TAF6L: variants seen among roughly 807,000 people sequenced by gnomAD.
The protein encoded by TAF6L is TAF6-like RNA polymerase II p300/CBP-associated factor-associated factor 65 kDa subunit 6L.
A neutral mutation model predicts 57.3 loss-of-function variants in TAF6L; 34 were observed. The observed-to-expected ratio is 0.59, with a 90% CI of 0.45 to 0.79. The LOEUF (loss-of-function observed/expected upper bound fraction) is 0.79. Ranked by LOEUF, TAF6L falls within the 30% of genes least tolerant of loss-of-function variation. The probability of loss-of-function intolerance (pLI) is 0.00; values close to 1 mark genes in which losing one functional copy is unlikely to be tolerated. For missense variants in TAF6L, 782 were observed against 853.2 expected (o/e 0.92, Z 1.04); for synonymous variants, 417 against 376.3 (o/e 1.11, Z -1.25).
intron 3 of TAF6L, 119 bp from the exon 4 acceptor site, chr11:62,777,859 G>A: frequency 8.1e-7 from 1 of 1,234,990 alleles, no homozygotes. Flanking sequence ...CTTTTCTTGG[G>A]ACTTCTGGAC....
intron 6 of TAF6L, among the ~76,000 whole-genome samples, chr11:62,781,250 A>G (rs1565188730): frequency 6.6e-6 from 1 of 151,916 alleles, no homozygotes; most frequent in Non-Finnish European, 1.5e-5. Context: ...AAAAAAAAAA[A>G]AGAAAAAGAA....
At position 62,776,429 on chromosome 11, in the gene TAF6L, G is replaced by C. The variant is rs749726160; in HGVS notation, c.193G>C (p.Val65Leu). 1.9e-6 allele frequency: 3 copies of C among 1,613,854 alleles called. No homozygotes were observed. In the Admixed American group the frequency reaches 5.0e-5, roughly 27 times the overall value. The change falls in exon 3 of 11, where the codon GTT (valine) becomes CTT (leucine). Residue 65 changes from valine to leucine, a missense_variant. Val to Leu is a conservative substitution (Grantham distance 32). This residue lies in a region of TAF6L where 220 missense variants were observed against 252.1 expected (regional missense o/e 0.87). Transcript: ENST00000294168. Reference protein sequence around the residue: ...MKHTKRRKLTVEDFNRALRWS... With the variant: ...MKHTKRRKLTLEDFNRALRWS... ...GCACACCAAACGCCGGAAGCTGACG[G>C]TTGAGGACTTCAACAGGGCCCTCAG...
chr11:62,786,415 C>T (rs1238299092), intron 10 of TAF6L, 27 bp downstream of exon 10: 3 of 1,607,416 alleles, frequency 1.9e-6, no homozygotes, highest in Non-Finnish European at 2.6e-6. Flanking sequence ...TCCAGCCTCC[C>T]TTCCCTGCAT....
In TAF6L at chr11:62,786,636, A is replaced by G; in HGVS notation, c.1209A>G (p.Gln403=). 5 of 1,602,606 alleles carry G rather than the reference A, an allele frequency of 3.1e-6. No homozygotes were observed. Among genetic ancestry groups the G allele is most frequent in the South Asian group, 2.2e-5 (2 of 89,832 alleles). ...DDLPWDSLLF[Q]ESSSGGGAEP... ...TGCCATGGGACAGCCTTCTCTTTCA[A>G]GAGTCGTCCTCCGGGGGCGGTGCAG... The change falls in exon 11 of 11, where the codon CAA becomes CAG. Residue 403 remains glutamine (Q), a synonymous_variant. Coordinates refer to ENST00000294168, the MANE Select transcript of TAF6L (RefSeq NM_006473.4).
chr11:62,778,047 C>G lies in TAF6L; in HGVS notation c.304C>G (p.Pro102Ala). The change falls in exon 4 of 11, where the codon CCT becomes GCT. Residue 102 changes from proline to alanine, a missense_variant. Coordinates refer to ENST00000294168, the MANE Select transcript of TAF6L (RefSeq NM_006473.4). ...RPAREGELYF[P>A]EDREVNLVEL... ...CGCCAGGGAGGGTGAACTCTACTTTCCTGAGGATCGAGAGGTGAACCTGGT... is the reference window on the plus strand; with the variant it reads ...CGCCAGGGAGGGTGAACTCTACTTTGCTGAGGATCGAGAGGTGAACCTGGT... The G allele has an allele frequency of 6.2e-7, 1 of 1,614,150 alleles. No individual in the cohort carries two copies. The highest frequency in any genetic ancestry group is 8.5e-7 in the Non-Finnish European group (1 of 1,180,038).
In TAF6L at chr11:62,786,349, G is replaced by C; in HGVS notation, c.1050G>C (p.Gln350His). ...VLDDYSVSNA[Q>H]VKADGHKVYG... ...ATGATTATTCAGTATCTAATGCCCA[G>C]GTCAAAGCAGATGGACACAAAGTCT... The change falls in exon 10 of 11, where the codon CAG becomes CAC. Residue 350 changes from glutamine to histidine, a missense_variant. Around this residue, in one of 3 missense-constraint regions of TAF6L, gnomAD observed 483 missense variants for 445.1 expected, o/e 1.09. Coordinates refer to ENST00000294168, the MANE Select transcript of TAF6L (RefSeq NM_006473.4). 1 of 1,614,134 alleles carries C rather than the reference G, an allele frequency of 6.2e-7. No individual in the cohort carries two copies. The highest frequency in any genetic ancestry group is 8.5e-7 in the Non-Finnish European group (1 of 1,180,012).
rs781159856 is a variant in TAF6L at position 62,778,921 on chromosome 11, G to A, written c.489G>A (p.Gln163=). Residue 163 remains glutamine, a synonymous_variant, in exon 6 of 11, where the codon CAG becomes CAA. Transcript: ENST00000294168. ...ATGACCTTCTCAAGTACTATCACCA[G>A]GTGACTCGTGCTGTGCTAGGGGATG... ...LTDDLLKYYH[Q]VTRAVLGDDP... The A allele has an allele frequency of 6.2e-7, 1 of 1,614,158 alleles. No homozygotes were observed. Among genetic ancestry groups the A allele is most frequent in the Admixed American group, 1.7e-5 (1 of 60,020 alleles).
intron 1 of TAF6L, among the ~76,000 whole-genome samples, chr11:62,773,367 A>G (rs921022865): frequency 2.0e-5 from 3 of 150,968 alleles, no homozygotes; most frequent in South Asian, 2.1e-4. Flanking sequence ...AGGCTGGTCT[A>G]GAACTCCTGA....
Position 62,785,852 on chromosome 11 carries a change from T to C in TAF6L, c.961-408T>C, listed in dbSNP as rs144755312. On this transcript the variant is annotated intron_variant, in intron 9 of 10. Transcript: ENST00000294168. Reference sequence around the variant, plus strand: ...GCCTGTCCAATCACAGGATTTTAAATTGTATAATCAGAGTCCAAGTCTCTG... The same window carrying C: ...GCCTGTCCAATCACAGGATTTTAAACTGTATAATCAGAGTCCAAGTCTCTG... Among the ~76,000 whole-genome samples, 25 of 152,298 alleles carry C rather than the reference T, an allele frequency of 1.6e-4. No homozygotes were observed. In the East Asian group the frequency reaches 4.8e-3, roughly 29 times the overall value.
In TAF6L at chr11:62,787,174, C is replaced by A; in HGVS notation, c.1747C>A (p.Pro583Thr). The A allele has an allele frequency of 1.9e-6, 3 of 1,585,498 alleles. No homozygotes were observed. The highest frequency in any genetic ancestry group is 1.1e-5 in the South Asian group (1 of 89,366). ...CRGRLFQTAFPAPYGPSPASR... is the reference protein window; with the variant it reads ...CRGRLFQTAFTAPYGPSPASR... ...CGGGCGCCTTTTCCAGACTGCCTTC[C>A]CCGCGCCGTACGGGCCTAGCCCGGC... Residue 583 changes from proline (P) to threonine (T), a missense_variant, in exon 11 of 11, where the codon CCC becomes ACC. Pro to Thr is a conservative substitution (Grantham distance 38). This residue lies in a region of TAF6L where 483 missense variants were observed against 445.1 expected (regional missense o/e 1.09). Transcript: ENST00000294168.
intron 6 of TAF6L, 139 bp from the exon 7 acceptor site, chr11:62,781,755 T>C: frequency 4.0e-6 from 3 of 749,074 alleles, no homozygotes; most frequent in South Asian, 3.1e-5. Flanking sequence ...TTTATAGAAA[T>C]AGAATTGCTA....
rs2084207041 is a variant in TAF6L, at chr11:62,778,939, A to G, written c.507A>G (p.Leu169=). ...KYYHQVTRAV[L]GDDPQLMKVA... is the part of the protein sequence containing the mutation. The stretch of plus-strand genomic sequence containing the variant: ...ATCACCAGGTGACTCGTGCTGTGCT[A>G]GGGGATGATCCGCAACTGATGAAGG... Residue 169 remains leucine (L), a synonymous_variant, in exon 6 of 11, where the codon CTA becomes CTG. Transcript: ENST00000294168. 6.2e-7 allele frequency: 1 copy of G among 1,610,260 alleles called. No individual in the cohort carries two copies. The highest frequency in any genetic ancestry group is 1.7e-5 in the Admixed American group (1 of 59,852).
chr11:62,776,363 C>T, intron 2 of TAF6L, 21 bp from the exon 3 acceptor site: 1 of 1,612,644 alleles, frequency 6.2e-7, no homozygotes, highest in Non-Finnish European at 8.5e-7. Context: ...TTGACTCTGG[C>T]TTTTGTTCCC....
At chr11:62,772,206 A>AG in intron 1 of TAF6L, 1 of 454,336 alleles carries the variant, frequency 2.2e-6, no homozygotes, top group Non-Finnish European at 4.4e-6. Flanking sequence ...TAAAGCACTT[A>AG]GCTGTGTCTC....
At chr11:62,776,528 G>A (rs2084189527) in intron 3 of TAF6L, 58 bp downstream of exon 3, 2 of 1,551,626 alleles carry the variant, frequency 1.3e-6, no homozygotes, top group South Asian at 2.2e-5. Flanking sequence ...TCCATGTCCA[G>A]TTCAGGGCTG....
At chr11:62,782,966 G>A in intron 9 of TAF6L, 141 bp downstream of exon 9, 1 of 1,261,704 alleles carries the variant, frequency 7.9e-7, no homozygotes, top group Non-Finnish European at 1.1e-6. Flanking sequence ...CAGGCTCAGT[G>A]ATACTTGACT....
At position 62,774,703 on chromosome 11, in the gene TAF6L, G is replaced by C. The variant is rs376279153; in HGVS notation, c.-13-1068G>C. ...CAGGTTCCAGCATTTAGGCACTGCA[G>C]CCAAACTGGGGAAGACCAAACACAT... On this transcript the variant is annotated intron_variant, in intron 1 of 10. Transcript: ENST00000294168. 8.7e-4 allele frequency: 395 copies of C among 454,168 alleles called. 3 individuals carry two copies. Among genetic ancestry groups the C allele is most frequent in the South Asian group, 6.1e-3 (391 of 64,452 alleles). 28.1% of individuals were successfully genotyped at this position (454,168 alleles called of 1,614,324 possible). A position where few individuals can be genotyped will look rare whatever the true frequency, so the allele number is the denominator to read the frequency against.
At chr11:62,775,955 C>A in intron 2 of TAF6L, 25 bp downstream of exon 2, 2 of 1,577,754 alleles carry the variant, frequency 1.3e-6, no homozygotes. Flanking sequence ...CCCCCTGATA[C>A]CTCCAACTTT....
intron 2 of TAF6L, 66 bp downstream of exon 2, chr11:62,775,996 C>T: frequency 6.5e-7 from 1 of 1,528,434 alleles, no homozygotes. Context: ...TAACCTCCAC[C>T]CTCGCTGATT....
Sources: allele counts gnomAD v4.1 joint callset (sites outside exome capture counted in the v4.1 genomes callset), GRCh38; gene constraint gnomAD v4.1.1; regional missense constraint gnomAD v4.1.1; transcripts MANE v1.5; gene names NCBI Gene and HGNC (gene_info 2026-07-23, HGNC 2026-07-21).